The following GMEB1 variants were observed in gnomAD, a reference collection of about 807,000 sequenced individuals.
The protein encoded by GMEB1 is glucocorticoid modulatory element binding protein 1.
In GMEB1, 6 loss-of-function variants were observed where a neutral mutation model predicts 52.4. That is an observed-to-expected ratio of 0.11 (90% confidence interval 0.06 to 0.23). The LOEUF (loss-of-function observed/expected upper bound fraction) is 0.23. Among genes scored for constraint, GMEB1 ranks in the 10% least tolerant of loss-of-function variants. GMEB1 has a pLI of 1.00. For missense variants in GMEB1, 486 were observed against 685.6 expected, an observed-to-expected ratio of 0.71 and a Z score of 3.25; for synonymous variants, 255 against 244.9, an observed-to-expected ratio of 1.04 and a Z score of -0.38.
intron 1 of GMEB1, among the ~76,000 whole-genome samples, chr1:28,676,447 G>T (rs962959345): frequency 7.2e-5 from 11 of 152,156 alleles, no homozygotes; most frequent in African/African-American, 2.7e-4. Flanking sequence ...TATAAAATTG[G>T]CCAGGCGTGG....
rs553947701 is a variant in GMEB1 at position 28,698,568 on chromosome 1, G to A, written c.598+1484G>A. 1.1e-3 allele frequency among the ~76,000 whole-genome samples: 167 copies of A among 151,892 alleles called. 2 individuals carry two copies. The highest frequency in any genetic ancestry group is 0.01 in the East Asian group (54 of 5,164). On this transcript the variant is annotated intron_variant, in intron 6 of 9. Transcript: ENST00000373816. Reference sequence around the variant, plus strand: ...CGGGTGCCTGTAGTCCCAGCTACTCGGGAGGCTGAAGCAGGAGAATGGTGT... The same window carrying A: ...CGGGTGCCTGTAGTCCCAGCTACTCAGGAGGCTGAAGCAGGAGAATGGTGT...
chr1:28,711,861 A>G (rs1338194118), intron 9 of GMEB1, among the ~76,000 whole-genome samples: 1 of 152,192 alleles, frequency 6.6e-6, no homozygotes, highest in Non-Finnish European at 1.5e-5. Context: ...TCAACTCTCC[A>G]GTGGACACTG....
At chr1:28,694,660 T>C (rs1239189375) in intron 5 of GMEB1, among the ~76,000 whole-genome samples, 1 of 151,766 alleles carries the variant, frequency 6.6e-6, no homozygotes, top group Non-Finnish European at 1.5e-5. Context: ...ATGCTAAATA[T>C]TTTCTTAACA....
At chr1:28,701,793 C>T (rs1278452528) in intron 6 of GMEB1, among the ~76,000 whole-genome samples, 1 of 152,200 alleles carries the variant, frequency 6.6e-6, no homozygotes, top group South Asian at 2.1e-4. Context: ...CTCCTGGACT[C>T]AAGCAATCTG....
At chr1:28,684,382 T>C (rs1362947211) in intron 2 of GMEB1, among the ~76,000 whole-genome samples, 2 of 151,536 alleles carry the variant, frequency 1.3e-5, no homozygotes, top group Middle Eastern at 3.2e-3. Flanking sequence ...GCTAACATGG[T>C]GAAACCCTGT....
intron 1 of GMEB1, among the ~76,000 whole-genome samples, chr1:28,672,437 A>G (rs1668937133): frequency 7.1e-6 from 1 of 140,820 alleles, no homozygotes; most frequent in African/African-American, 2.5e-5. Context: ...GTTAGCCAGG[A>G]TGATCTCCAT....
In GMEB1 at chr1:28,713,144, C is replaced by T. The variant is rs551220921; in HGVS notation, c.992-929C>T. Among the ~76,000 whole-genome samples the T allele has an allele frequency of 7.3e-3, 1,028 of 139,904 alleles. 7 individuals carry two copies. Among genetic ancestry groups the T allele is most frequent in the Non-Finnish European group, 0.011 (720 of 66,172 alleles). The allele number at this position is 139,904 out of a possible 152,430, so 91.8% of individuals were successfully genotyped here. On this transcript the variant is annotated intron_variant, in intron 9 of 9. Transcript: ENST00000373816. ...CTGCACTCCAGCCTGGGCGACAGAG[C>T]GAGACTCCATCTCAAAAAAAAAAAA... is the stretch of plus-strand genomic sequence containing the variant.
chr1:28,671,901 G>C (rs1175026627), intron 1 of GMEB1, among the ~76,000 whole-genome samples: 1 of 151,718 alleles, frequency 6.6e-6, no homozygotes, highest in East Asian at 2.0e-4. Flanking sequence ...CGGATCACCT[G>C]AGGTCAGGAG....
Position 28,714,121 on chromosome 1 carries a change from G to T in GMEB1, c.1040G>T (p.Arg347Met). The T allele has an allele frequency of 6.2e-7, 1 of 1,613,768 alleles. No homozygotes were observed. The highest frequency in any genetic ancestry group is 8.5e-7 in the Non-Finnish European group (1 of 1,179,696). Residue 347 changes from arginine (R) to methionine (M), a missense_variant, in exon 10 of 10, where the codon AGG becomes ATG. Arg to Met is a moderately conservative substitution (Grantham distance 91). Around this residue, in one of 5 missense-constraint regions of GMEB1, gnomAD observed 200 missense variants for 253.5 expected, o/e 0.79. Transcript: ENST00000373816. ...CAGAAGAAGCAAGGCCAGGATCACA[G>T]GCTGAAATCTCAGACAGTTCAAAAT... ...EEQKKQGQDH[R>M]LKSQTVQNVV...
intron 9 of GMEB1, among the ~76,000 whole-genome samples, chr1:28,713,172 A>G (rs1460120413): frequency 1.3e-5 from 2 of 152,014 alleles, no homozygotes; most frequent in Non-Finnish European, 2.9e-5. Context: ...AAAAAAAAAA[A>G]AAAGACATTT....
chr1:28,695,966 A>C (rs1670187058), intron 5 of GMEB1, among the ~76,000 whole-genome samples: 1 of 137,540 alleles, frequency 7.3e-6, no homozygotes, highest in South Asian at 2.4e-4. Context: ...AAAAAAAAAA[A>C]AAAAAAAATT....
chr1:28,677,140 G>A (rs897991533), intron 1 of GMEB1, among the ~76,000 whole-genome samples: 1 of 151,762 alleles, frequency 6.6e-6, no homozygotes, highest in Non-Finnish European at 1.5e-5. Context: ...TTAGACTTGT[G>A]TCCTATCCCC....
chr1:28,673,895 C>T (rs571378810), intron 1 of GMEB1, among the ~76,000 whole-genome samples: 1 of 151,960 alleles, frequency 6.6e-6, no homozygotes. Context: ...TCATGCCTGT[C>T]CCAGCACTTT....
chr1:28,702,415 C>T (rs1670559101), intron 6 of GMEB1, 23 bp from the exon 7 acceptor site: 1 of 1,607,846 alleles, frequency 6.2e-7, no homozygotes, highest in South Asian at 1.1e-5. Context: ...TCACTGTTCT[C>T]ACCTCTACTG....
intron 1 of GMEB1, among the ~76,000 whole-genome samples, chr1:28,671,154 A>G (rs1329895284): frequency 1.3e-5 from 2 of 152,230 alleles, no homozygotes; most frequent in African/African-American, 2.4e-5. Context: ...CACTGAATGC[A>G]TGAGAAGAAA....
At chr1:28,686,410 G>C (rs1669642094) in intron 2 of GMEB1, among the ~76,000 whole-genome samples, 1 of 151,848 alleles carries the variant, frequency 6.6e-6, no homozygotes, top group Non-Finnish European at 1.5e-5. Context: ...AGGCTAAGGT[G>C]GGCAGATCAG....
chr1:28,683,517 C>T, intron 1 of GMEB1, 66 bp from the exon 2 acceptor site: 1 of 1,349,640 alleles, frequency 7.4e-7, no homozygotes, highest in Non-Finnish European at 1.0e-6. Flanking sequence ...GCGTGAGCCA[C>T]CATGCCCGGC....
intron 5 of GMEB1, among the ~76,000 whole-genome samples, chr1:28,693,543 G>T (rs1670060963): frequency 6.6e-6 from 1 of 151,286 alleles, no homozygotes; most frequent in Non-Finnish European, 1.5e-5. Flanking sequence ...TTGAGACAGA[G>T]TCTTGCCCTG....
At chr1:28,706,977 G>GTTTTTTTTTTTTTT (rs1237383046) in intron 8 of GMEB1, among the ~76,000 whole-genome samples, 1 of 82,770 alleles carries the variant, frequency 1.2e-5, no homozygotes, top group African/African-American at 5.7e-5. Context: ...TCCAGATTTG[G>GTTTTTTTTTTTTTT]TTTTTTTTTT....
Sources: gnomAD v4.1 joint callset for allele counts (sites outside exome capture counted in the v4.1 genomes callset) on GRCh38, gnomAD v4.1.1 for gene constraint, gnomAD v4.1.1 regional missense constraint, MANE v1.5 for transcripts, NCBI Gene and HGNC (gene_info 2026-07-23, HGNC 2026-07-21) for gene names.